Variants in PKNOX2 observed in about 807,000 individuals in gnomAD.
PKNOX2 encodes the protein homeobox protein PKNOX2.
PKNOX2 carries 14 observed loss-of-function variants against 53.1 expected under a neutral mutation model. The ratio of observed to expected loss-of-function variants is 0.26; its 90% confidence interval spans 0.17 to 0.41. PKNOX2 has a LOEUF of 0.41. Ranked by LOEUF, PKNOX2 falls within the 10% of genes least tolerant of loss-of-function variation. PKNOX2 has a pLI of 1.00. For missense variants in PKNOX2, 496 were observed against 602.8 expected (o/e 0.82, Z 1.85); for synonymous variants, 257 against 242.8 (o/e 1.06, Z -0.54).
At chr11:125,325,335 G>A (rs766980001) in intron 2 of PKNOX2, among the ~76,000 whole-genome samples, 1 of 152,210 alleles carries the variant, frequency 6.6e-6, no homozygotes, top group Non-Finnish European at 1.5e-5. Flanking sequence ...CTCTCTGGAA[G>A]CTCAGAGCTT....
At chr11:125,328,900 C>G (rs1432820834) in intron 2 of PKNOX2, among the ~76,000 whole-genome samples, 1 of 152,186 alleles carries the variant, frequency 6.6e-6, no homozygotes, top group Non-Finnish European at 1.5e-5. Flanking sequence ...ATCTCTCATA[C>G]GCTGCTGATA....
chr11:125,395,481 T>C (rs112355750), intron 6 of PKNOX2, among the ~76,000 whole-genome samples: 5 of 152,316 alleles, frequency 3.3e-5, no homozygotes, highest in East Asian at 1.9e-4. Context: ...ATATTTAGTT[T>C]TGTAAGAAAT....
At chr11:125,379,936 C>G (rs544840519) in intron 5 of PKNOX2, among the ~76,000 whole-genome samples, 2 of 125,548 alleles carry the variant, frequency 1.6e-5, no homozygotes, top group East Asian at 4.8e-4. Flanking sequence ...GGATCGTTAA[C>G]AAGAACTGCA....
intron 6 of PKNOX2, among the ~76,000 whole-genome samples, chr11:125,387,146 C>A (rs753548845): frequency 1.6e-4 from 25 of 152,262 alleles, no homozygotes; most frequent in Non-Finnish European, 2.6e-4. Flanking sequence ...TTTGCTCTGC[C>A]CTGTGCTCCG....
chr11:125,341,935 G>T (rs986605470), intron 3 of PKNOX2, among the ~76,000 whole-genome samples: 1 of 152,202 alleles, frequency 6.6e-6, no homozygotes, highest in Non-Finnish European at 1.5e-5. Flanking sequence ...CCAAGGGGGT[G>T]GTGAGGACCA....
chr11:125,333,609 G>A (rs1012528215), intron 3 of PKNOX2, among the ~76,000 whole-genome samples: 6 of 151,832 alleles, frequency 4.0e-5, no homozygotes, highest in African/African-American at 1.5e-4. Flanking sequence ...TGCCAAGTGA[G>A]TGGCAGTATG....
intron 2 of PKNOX2, among the ~76,000 whole-genome samples, chr11:125,286,975 G>A (rs1012908595): frequency 6.6e-6 from 1 of 152,210 alleles, no homozygotes; most frequent in Non-Finnish European, 1.5e-5. Context: ...AACATGTGCT[G>A]CACGTGGGAT....
At chr11:125,195,883 GCA>G (rs56021315) in intron 1 of PKNOX2, among the ~76,000 whole-genome samples, 14,013 of 143,660 alleles carry the variant, frequency 0.098, 973 homozygotes, top group African/African-American at 0.2. Flanking sequence ...ATATGTACAT[GCA>G]CACACACACA....
intron 5 of PKNOX2, among the ~76,000 whole-genome samples, chr11:125,380,734 C>T (rs1314569217): frequency 6.6e-6 from 1 of 152,222 alleles, no homozygotes; most frequent in Non-Finnish European, 1.5e-5. Context: ...CTTCTCCCCA[C>T]CCATCCCTGG....
At chr11:125,367,761 A>C in intron 4 of PKNOX2, 85 bp from the exon 5 acceptor site, 1 of 1,446,204 alleles carries the variant, frequency 6.9e-7, no homozygotes, top group Non-Finnish European at 9.3e-7. Flanking sequence ...GGCACAGCAC[A>C]GGCCAAGGCG....
At chr11:125,275,182 G>A (rs1255123178) in intron 2 of PKNOX2, among the ~76,000 whole-genome samples, 1 of 152,180 alleles carries the variant, frequency 6.6e-6, no homozygotes, top group Non-Finnish European at 1.5e-5. Flanking sequence ...GGCTCTGGTG[G>A]GAGAGTGTCT....
intron 2 of PKNOX2, among the ~76,000 whole-genome samples, chr11:125,280,123 C>A (rs1480934806): frequency 6.8e-6 from 1 of 146,932 alleles, no homozygotes. Context: ...TTTTTTTAAC[C>A]AGCATGCAGT....
At position 125,431,439 on chromosome 11, in the gene PKNOX2, G is replaced by T; in HGVS notation, c.*47G>T. 2.0e-6 allele frequency: 2 copies of T among 1,017,448 alleles called. No individual in the cohort carries two copies. Among genetic ancestry groups the T allele is most frequent in the Non-Finnish European group, 2.6e-6 (2 of 755,654 alleles). 63.0% of individuals were successfully genotyped at this position (1,017,448 alleles called of 1,614,324 possible). On this transcript the variant is annotated 3_prime_UTR_variant, in exon 13 of 13. Coordinates refer to ENST00000298282, the MANE Select transcript of PKNOX2 (RefSeq NM_001382323.2). ...GATCACTGAGCAGGAGAGGAGTGTCGCCGGGAGGCCTTCAGGGTGGGGGGG... is the reference window on the plus strand; with the variant it reads ...GATCACTGAGCAGGAGAGGAGTGTCTCCGGGAGGCCTTCAGGGTGGGGGGG...
chr11:125,429,173 C>T, intron 11 of PKNOX2, 85 bp downstream of exon 11: 6 of 1,304,602 alleles, frequency 4.6e-6, no homozygotes, highest in South Asian at 1.2e-5. Flanking sequence ...AAAAGAGACT[C>T]GAATGCCAGG....
At chr11:125,373,686 G>A (rs1952677945) in intron 5 of PKNOX2, among the ~76,000 whole-genome samples, 2 of 152,196 alleles carry the variant, frequency 1.3e-5, no homozygotes, top group Non-Finnish European at 2.9e-5. Flanking sequence ...CAGTCAAGTG[G>A]TCTTCACTCT....
chr11:125,314,539 T>C (rs1949036469), intron 2 of PKNOX2, among the ~76,000 whole-genome samples: 1 of 152,094 alleles, frequency 6.6e-6, no homozygotes, highest in Non-Finnish European at 1.5e-5. Flanking sequence ...AGGGGCCAAA[T>C]GGGCAGGATC....
chr11:125,332,370 T>C (rs1416013661), intron 3 of PKNOX2, among the ~76,000 whole-genome samples: 6 of 152,198 alleles, frequency 3.9e-5, no homozygotes, highest in Admixed American at 3.3e-4. Context: ...GGATTAGGAC[T>C]CAGGAACCTG....
chr11:125,259,776 A>G (rs936448774), intron 2 of PKNOX2, among the ~76,000 whole-genome samples: 5 of 151,818 alleles, frequency 3.3e-5, no homozygotes, highest in South Asian at 2.1e-4. Context: ...CACATTGTCT[A>G]CTTACTGACC....
chr11:125,286,963 A>G (rs553571324), intron 2 of PKNOX2, among the ~76,000 whole-genome samples: 1 of 152,282 alleles, frequency 6.6e-6, no homozygotes, highest in South Asian at 2.1e-4. Flanking sequence ...TTCACCCAGG[A>G]AAACATGTGC....
Sources: allele counts gnomAD v4.1 joint callset (sites outside exome capture counted in the v4.1 genomes callset), GRCh38; gene constraint gnomAD v4.1.1; transcripts MANE v1.5; gene names NCBI Gene and HGNC (gene_info 2026-07-23, HGNC 2026-07-21).